The following MACROD2 variants were observed in gnomAD, a reference collection of about 807,000 sequenced individuals.
MACROD2 encodes the protein ADP-ribose glycohydrolase MACROD2.
A neutral mutation model predicts 70.4 loss-of-function variants in MACROD2; 36 were observed. That is an observed-to-expected ratio of 0.51 (90% CI 0.39 to 0.68). The LOEUF is 0.68. Ranked by LOEUF, MACROD2 falls within the 30% of genes least tolerant of loss-of-function variation. MACROD2 has a pLI of 0.00. For missense variants in MACROD2, 496 were observed against 538.4 expected, an observed-to-expected ratio of 0.92 and a Z score of 0.78; for synonymous variants, 172 against 178.8, an observed-to-expected ratio of 0.96 and a Z score of 0.30.
At chr20:15,642,862 G>A (rs73262505) in intron 8 of MACROD2, among the ~76,000 whole-genome samples, 7,089 of 151,922 alleles carry the variant, frequency 0.047, 563 homozygotes, top group African/African-American at 0.16. Context: ...GCATACACAC[G>A]GGACATTCTG....
chr20:14,880,474 A>AGCCCACGTAGT (rs1342683215), intron 5 of MACROD2, among the ~76,000 whole-genome samples: 2 of 152,198 alleles, frequency 1.3e-5, no homozygotes, highest in African/African-American at 2.4e-5. Context: ...AACCTTCAAG[A>AGCCCACGTAGT]GCCCACGTAA....
intron 3 of MACROD2, among the ~76,000 whole-genome samples, chr20:14,404,567 A>G (rs573623708): frequency 6.6e-6 from 1 of 151,014 alleles, no homozygotes; most frequent in Non-Finnish European, 1.5e-5. Flanking sequence ...ATTGCACTCC[A>G]GCCGGGGTGA....
intron 5 of MACROD2, among the ~76,000 whole-genome samples, chr20:14,917,486 G>A (rs781358293): frequency 3.9e-5 from 6 of 151,978 alleles, no homozygotes; most frequent in Non-Finnish European, 7.4e-5. Flanking sequence ...GCAGGCACTT[G>A]GCCTTTGATT....
intron 5 of MACROD2, among the ~76,000 whole-genome samples, chr20:14,691,535 C>A (rs564394036): frequency 4.6e-5 from 7 of 152,152 alleles, no homozygotes; most frequent in African/African-American, 1.2e-4. Context: ...TCAGTTTAAA[C>A]CACCAGAGTA....
chr20:14,561,105 T>G (rs1006623011), intron 4 of MACROD2, among the ~76,000 whole-genome samples: 1 of 151,820 alleles, frequency 6.6e-6, no homozygotes, highest in African/African-American at 2.4e-5. Context: ...AGACTTATGG[T>G]GTGGTGGTGT....
intron 8 of MACROD2, among the ~76,000 whole-genome samples, chr20:15,820,946 C>A (rs2063931904): frequency 1.3e-5 from 2 of 152,162 alleles, no homozygotes; most frequent in Non-Finnish European, 1.5e-5. Flanking sequence ...TGGGACTAAG[C>A]CCCTGCTGTT....
intron 8 of MACROD2, among the ~76,000 whole-genome samples, chr20:15,697,822 CTT>C (rs1405695562): frequency 2.0e-5 from 3 of 152,210 alleles, no homozygotes; most frequent in African/African-American, 7.2e-5. Context: ...CTCTTTGTCT[CTT>C]TTAACCACTG....
At chr20:14,866,244 G>T (rs752092254) in intron 5 of MACROD2, among the ~76,000 whole-genome samples, 10 of 152,144 alleles carry the variant, frequency 6.6e-5, no homozygotes, top group African/African-American at 2.2e-4. Context: ...ATGTGTCTTG[G>T]TTTGAAATAC....
intron 3 of MACROD2, among the ~76,000 whole-genome samples, chr20:14,485,516 A>T (rs1324961696): frequency 6.6e-6 from 1 of 152,048 alleles, no homozygotes; most frequent in East Asian, 1.9e-4. Flanking sequence ...CCTGGCTAAC[A>T]CGGTGAAACC....
chr20:14,655,828 A>G (rs1305755723), intron 4 of MACROD2, among the ~76,000 whole-genome samples: 2 of 152,218 alleles, frequency 1.3e-5, no homozygotes, highest in Admixed American at 6.5e-5. Flanking sequence ...CAAGCATTTC[A>G]GGTATGAGTT....
chr20:14,806,742 G>A (rs1011096695), intron 5 of MACROD2, among the ~76,000 whole-genome samples: 3 of 152,086 alleles, frequency 2.0e-5, no homozygotes, highest in Non-Finnish European at 2.9e-5. Flanking sequence ...TGGGATGCTC[G>A]AGCTTGGTGG....
At chr20:14,641,960 G>A (rs1985121527) in intron 4 of MACROD2, among the ~76,000 whole-genome samples, 1 of 152,146 alleles carries the variant, frequency 6.6e-6, no homozygotes, top group East Asian at 1.9e-4. Flanking sequence ...TTGAAGCCAG[G>A]CATTGACTTC....
chr20:14,185,235 T>C (rs1326685509), intron 3 of MACROD2, among the ~76,000 whole-genome samples: 1 of 152,082 alleles, frequency 6.6e-6, no homozygotes, highest in African/African-American at 2.4e-5. Flanking sequence ...AAACCATCAA[T>C]TAAAGTAGCT....
intron 15 of MACROD2, among the ~76,000 whole-genome samples, chr20:16,006,630 G>A (rs2066792140): frequency 6.6e-6 from 1 of 152,160 alleles, no homozygotes; most frequent in Non-Finnish European, 1.5e-5. Context: ...GCTTAAGTGT[G>A]TGAAGCACAG....
chr20:14,766,157 G>T (rs2072085885), intron 5 of MACROD2, among the ~76,000 whole-genome samples: 2 of 152,040 alleles, frequency 1.3e-5, no homozygotes, highest in African/African-American at 4.8e-5. Flanking sequence ...GTACACTGAA[G>T]AGTGTAGTCA....
chr20:14,934,842 C>T (rs369202701), intron 5 of MACROD2: 1 of 150,560 alleles, frequency 6.6e-6, no homozygotes, highest in African/African-American at 2.4e-5. Flanking sequence ...AACAAAGGGA[C>T]TCTCTGGAGG....
intron 4 of MACROD2, among the ~76,000 whole-genome samples, chr20:14,645,184 G>T (rs866101347): frequency 2.0e-5 from 3 of 151,994 alleles, no homozygotes; most frequent in Middle Eastern, 3.4e-3. Flanking sequence ...CTTTGAAAAA[G>T]TATATTATCT....
chr20:15,725,479 T>C (rs565019582), intron 8 of MACROD2, among the ~76,000 whole-genome samples: 8 of 152,310 alleles, frequency 5.3e-5, no homozygotes, highest in Middle Eastern at 3.4e-3. Context: ...AGGGGTTTTT[T>C]TGTTGAGCTT....
chr20:14,724,994 G>T (rs529666984), intron 5 of MACROD2, among the ~76,000 whole-genome samples: 4 of 152,262 alleles, frequency 2.6e-5, no homozygotes, highest in South Asian at 2.1e-4. Flanking sequence ...GATGAGGGTG[G>T]TACTTCTGGA....
Sources: gnomAD v4.1 joint callset for allele counts (sites outside exome capture counted in the v4.1 genomes callset) on GRCh38, gnomAD v4.1.1 for gene constraint, MANE v1.5 for transcripts, NCBI Gene and HGNC (gene_info 2026-07-23, HGNC 2026-07-21) for gene names.